Variants in PRKG1 observed in about 807,000 individuals in gnomAD.
The protein encoded by PRKG1 is protein kinase cGMP-dependent 1, also known as cGMP-dependent protein kinase 1.
In PRKG1, 35 loss-of-function variants were observed where a neutral mutation model predicts 88.1. The observed-to-expected ratio is 0.40, with a 90% CI of 0.30 to 0.53. The LOEUF (loss-of-function observed/expected upper bound fraction) is 0.53. Among genes scored for constraint, PRKG1 ranks in the 20% least tolerant of loss-of-function variants. The pLI is 0.59. For synonymous variants in PRKG1, 303 were observed against 292.5 expected (o/e 1.04, Z -0.37); for missense variants, 540 against 839.8 (o/e 0.64, Z 4.41).
chr10:51,628,719 G>C (rs1037696520), intron 3 of PRKG1, among the ~76,000 whole-genome samples: 3 of 151,786 alleles, frequency 2.0e-5, no homozygotes, highest in Non-Finnish European at 4.4e-5. Context: ...CAGCACTTTG[G>C]GAGGCCGAGG....
At chr10:51,906,549 G>A (rs1040177148) in intron 4 of PRKG1, among the ~76,000 whole-genome samples, 4 of 152,136 alleles carry the variant, frequency 2.6e-5, no homozygotes, top group Admixed American at 2.6e-4. Context: ...TTTTCTGATT[G>A]GCAATTGGTT....
intron 2 of PRKG1, among the ~76,000 whole-genome samples, chr10:51,272,569 G>A (rs892252607): frequency 2.6e-5 from 4 of 152,052 alleles, no homozygotes; most frequent in African/African-American, 9.7e-5. Context: ...ATAAAGAAAT[G>A]TAGTTAGAGT....
intron 1 of PRKG1, among the ~76,000 whole-genome samples, chr10:51,059,344 A>C (rs1843669039): frequency 6.6e-6 from 1 of 152,136 alleles, no homozygotes; most frequent in Non-Finnish European, 1.5e-5. Context: ...GTGTGTGTAC[A>C]TTTTAACAGA....
At chr10:52,220,906 G>A (rs553680585) in intron 9 of PRKG1, among the ~76,000 whole-genome samples, 29 of 151,804 alleles carry the variant, frequency 1.9e-4, no homozygotes, top group African/African-American at 7.0e-4. Context: ...ATAATACAAT[G>A]ATTTACATTC....
chr10:51,644,936 T>C (rs779632585), intron 3 of PRKG1, among the ~76,000 whole-genome samples: 2 of 152,108 alleles, frequency 1.3e-5, no homozygotes, highest in African/African-American at 2.4e-5. Context: ...TACAGGCATA[T>C]GCCACCACAC....
chr10:51,966,934 A>G (rs545571891), intron 5 of PRKG1, among the ~76,000 whole-genome samples: 1 of 152,282 alleles, frequency 6.6e-6, no homozygotes, highest in African/African-American at 2.4e-5. Flanking sequence ...GGATGTGGAG[A>G]AAAAGGAACA....
intron 3 of PRKG1, chr10:51,696,531 G>A (rs1036394129): frequency 3.3e-5 from 5 of 152,086 alleles, no homozygotes; most frequent in Non-Finnish European, 7.4e-5. Context: ...GCAGACTTAA[G>A]TAGCCTGGTT....
At chr10:51,880,729 T>C (rs1322328443) in intron 4 of PRKG1, among the ~76,000 whole-genome samples, 1 of 152,090 alleles carries the variant, frequency 6.6e-6, no homozygotes, top group Non-Finnish European at 1.5e-5. Flanking sequence ...TTCCCACAAA[T>C]GGAGAGGAGG....
intron 9 of PRKG1, among the ~76,000 whole-genome samples, chr10:52,188,551 TA>T (rs1156816764): frequency 6.6e-6 from 1 of 151,234 alleles, no homozygotes; most frequent in Non-Finnish European, 1.5e-5. Flanking sequence ...TGCATTGGAA[TA>T]AAAAAAAGTT....
At chr10:52,148,565 AG>A (rs1837796795) in intron 8 of PRKG1, among the ~76,000 whole-genome samples, 1 of 152,222 alleles carries the variant, frequency 6.6e-6, no homozygotes, top group Non-Finnish European at 1.5e-5. Flanking sequence ...TTTACCTTTA[AG>A]AAATGTCAGA....
At chr10:51,249,100 G>C (rs1431406032) in intron 2 of PRKG1, among the ~76,000 whole-genome samples, 1 of 151,616 alleles carries the variant, frequency 6.6e-6, no homozygotes, top group African/African-American at 2.4e-5. Context: ...TTTTTAAGAG[G>C]CGAGGAAGAC....
chr10:51,463,729 A>C (rs776723378), intron 2 of PRKG1, among the ~76,000 whole-genome samples: 3 of 152,342 alleles, frequency 2.0e-5, no homozygotes, highest in Middle Eastern at 3.4e-3. Flanking sequence ...TGAGAGGCCT[A>C]GTAAATTAGC....
chr10:51,099,459 T>C (rs1844624756), intron 1 of PRKG1, among the ~76,000 whole-genome samples: 1 of 151,562 alleles, frequency 6.6e-6, no homozygotes, highest in African/African-American at 2.4e-5. Context: ...ATTGCAACAA[T>C]GGATGATTTT....
chr10:51,540,570 A>G (rs1237665682), intron 3 of PRKG1, among the ~76,000 whole-genome samples: 1 of 152,224 alleles, frequency 6.6e-6, no homozygotes, highest in Admixed American at 6.5e-5. Context: ...CTATTCATAT[A>G]CATACACATT....
intron 1 of PRKG1, among the ~76,000 whole-genome samples, 170 bp from the exon 2 acceptor site, chr10:51,152,984 TTTTTTTTTTG>T (rs958733223): frequency 2.0e-5 from 3 of 148,186 alleles, no homozygotes; most frequent in African/African-American, 7.6e-5. Flanking sequence ...GCCTTTTTTT[TTTTTTTTTTG>T]TTTTGCTGCC....
At chr10:51,065,856 G>A (rs537410784) in intron 1 of PRKG1, among the ~76,000 whole-genome samples, 1 of 152,068 alleles carries the variant, frequency 6.6e-6, no homozygotes, top group African/African-American at 2.4e-5. Flanking sequence ...AAATATTAGG[G>A]TTAGTGTTAG....
chr10:51,288,665 A>T (rs995195975), intron 2 of PRKG1, among the ~76,000 whole-genome samples: 4 of 152,206 alleles, frequency 2.6e-5, no homozygotes, highest in African/African-American at 9.6e-5. Flanking sequence ...AACTGCTTAT[A>T]CATCTCAACA....
At chr10:51,211,759 G>C (rs1221078747) in intron 2 of PRKG1, among the ~76,000 whole-genome samples, 2 of 152,090 alleles carry the variant, frequency 1.3e-5, no homozygotes, top group Admixed American at 6.5e-5. Context: ...CAACTTACGA[G>C]GGATGTGAAG....
chr10:51,315,714 C>T (rs375752013), intron 2 of PRKG1, among the ~76,000 whole-genome samples: 15 of 152,028 alleles, frequency 9.9e-5, no homozygotes, highest in East Asian at 3.8e-4. Context: ...TTTCTACTGT[C>T]CTAGAGGTTT....
Sources: allele counts gnomAD v4.1 joint callset (sites outside exome capture counted in the v4.1 genomes callset), GRCh38; gene constraint gnomAD v4.1.1; transcripts MANE v1.5; gene names NCBI Gene and HGNC (gene_info 2026-07-23, HGNC 2026-07-21).